The following CELF2 variants were observed in gnomAD, a reference collection of about 807,000 sequenced individuals.
CELF2 encodes the protein CUGBP Elav-like family member 2, also known as CUG triplet repeat RNA-binding protein 2.
Under a neutral mutation model 62.6 loss-of-function variants are expected in CELF2, and 8 were observed. The ratio of observed to expected loss-of-function variants is 0.13; its 90% CI spans 0.07 to 0.23. CELF2 has a LOEUF of 0.23. CELF2 is among the 10% of genes least tolerant of loss of function. The probability of loss-of-function intolerance (pLI) is 1.00; values close to 1 mark genes in which losing one functional copy is unlikely to be tolerated. For missense variants in CELF2, 333 were observed against 671.0 expected (o/e 0.50, Z 5.56); for synonymous variants, 258 against 250.0 (o/e 1.03, Z -0.30).
At chr10:10,594,272 G>C in the CELF2 span, among the ~76,000 whole-genome samples, 46 of 152,240 alleles carry the variant, frequency 3.0e-4, no homozygotes, top group African/African-American at 1.0e-3. Context: ...GCTTTCAACT[G>C]GTACAGTTAA....
At chr10:10,733,614 G>GC in the CELF2 span, among the ~76,000 whole-genome samples, 2 of 151,962 alleles carry the variant, frequency 1.3e-5, no homozygotes, top group South Asian at 2.1e-4. Flanking sequence ...GCATGGCTTG[G>GC]GGGGGCCTCA....
At chr10:11,172,136 T>A (rs766955025) in intron 2 of CELF2, among the ~76,000 whole-genome samples, 9 of 152,244 alleles carry the variant, frequency 5.9e-5, no homozygotes, top group South Asian at 2.1e-4. Flanking sequence ...AAAGCAGGGT[T>A]GCTGCCCTAG....
At chr10:10,623,689 G>A in the CELF2 span, among the ~76,000 whole-genome samples, 4 of 152,200 alleles carry the variant, frequency 2.6e-5, no homozygotes, top group Non-Finnish European at 5.9e-5. Flanking sequence ...GGAGGGGGAA[G>A]ACATACTGAA....
chr10:10,586,398 C>G, the CELF2 span, among the ~76,000 whole-genome samples: 2 of 152,144 alleles, frequency 1.3e-5, no homozygotes, highest in African/African-American at 4.8e-5. Context: ...TGGGTGAAAT[C>G]AAGATGTTTG....
At chr10:11,283,890 T>C in intron 8 of CELF2, among the ~76,000 whole-genome samples, 1 of 96,312 alleles carries the variant, frequency 1.0e-5, no homozygotes, top group Non-Finnish European at 2.1e-5. Flanking sequence ...GAGGGGTGGG[T>C]GGATGATGGA....
chr10:11,197,683 C>T (rs1213346546), intron 2 of CELF2, among the ~76,000 whole-genome samples: 1 of 152,232 alleles, frequency 6.6e-6, no homozygotes, highest in Non-Finnish European at 1.5e-5. Context: ...CTTACACGGT[C>T]GGTGGCAGAG....
At chr10:10,629,908 C>T in the CELF2 span, among the ~76,000 whole-genome samples, 2 of 125,368 alleles carry the variant, frequency 1.6e-5, no homozygotes, top group South Asian at 5.9e-4. Context: ...TTTTGTGAAG[C>T]TATTAAACAA....
the CELF2 span, among the ~76,000 whole-genome samples, chr10:10,640,604 G>A: frequency 1.3e-5 from 2 of 152,246 alleles, no homozygotes; most frequent in Admixed American, 1.3e-4. Flanking sequence ...GTTTCTTGAG[G>A]ACAGAAATCA....
the CELF2 span, among the ~76,000 whole-genome samples, chr10:10,697,458 G>A: frequency 6.6e-6 from 1 of 152,186 alleles, no homozygotes; most frequent in Non-Finnish European, 1.5e-5. Context: ...GTGGGCATCA[G>A]TGAGGTTGAT....
chr10:10,528,366 T>C, the CELF2 span, among the ~76,000 whole-genome samples: 1 of 152,200 alleles, frequency 6.6e-6, no homozygotes, highest in South Asian at 2.1e-4. Context: ...TTCTTCACCA[T>C]GACCCTGTAG....
the CELF2 span, among the ~76,000 whole-genome samples, chr10:10,669,741 A>G: frequency 6.6e-6 from 1 of 152,136 alleles, no homozygotes; most frequent in Non-Finnish European, 1.5e-5. Context: ...CTCCCTCTTC[A>G]TGATATCTTC....
chr10:10,558,846 A>G, the CELF2 span, among the ~76,000 whole-genome samples: 2 of 152,148 alleles, frequency 1.3e-5, no homozygotes, highest in African/African-American at 4.8e-5. Flanking sequence ...GTATTCTCTG[A>G]TGGTAGTTTA....
chr10:10,819,678 A>C (rs774540888), intron 1 of CELF2, among the ~76,000 whole-genome samples: 1 of 151,894 alleles, frequency 6.6e-6, no homozygotes, highest in Non-Finnish European at 1.5e-5. Context: ...TTTATCTTTG[A>C]CCTTCTTTTC....
chr10:10,518,658 A>G, the CELF2 span, among the ~76,000 whole-genome samples: 1 of 152,190 alleles, frequency 6.6e-6, no homozygotes, highest in African/African-American at 2.4e-5. Flanking sequence ...TTCTCAGCTA[A>G]TAGTGGCACC....
At chr10:11,279,190 T>A (rs1328449087) in intron 8 of CELF2, among the ~76,000 whole-genome samples, 1 of 152,230 alleles carries the variant, frequency 6.6e-6, no homozygotes, top group Non-Finnish European at 1.5e-5. Flanking sequence ...TGTCTTTTGA[T>A]GAACGGGAGG....
chr10:10,798,871 C>T (rs2054342587), intron 1 of CELF2: 3 of 398,992 alleles, frequency 7.5e-6, no homozygotes, highest in Non-Finnish European at 1.3e-5. Flanking sequence ...AGCCAAGGCC[C>T]TGCTCCCGCC....
the CELF2 span, among the ~76,000 whole-genome samples, chr10:10,621,704 C>A: frequency 2.0e-5 from 3 of 152,184 alleles, no homozygotes; most frequent in Non-Finnish European, 4.4e-5. Flanking sequence ...CAAGAAGCAA[C>A]TCTGCCAATA....
chr10:11,175,259 C>G (rs914438995), intron 2 of CELF2, among the ~76,000 whole-genome samples: 15 of 151,924 alleles, frequency 9.9e-5, no homozygotes, highest in Non-Finnish European at 1.9e-4. Flanking sequence ...CGCAAAGGTC[C>G]GGGAAGGTGA....
upstream of CELF2, among the ~76,000 whole-genome samples, chr10:11,016,462 T>C (rs2057275262): frequency 1.3e-5 from 2 of 152,370 alleles, no homozygotes; most frequent in South Asian, 4.1e-4. This position sits in a 1 kb window ranked among gnomAD's most constrained non-coding sequence, Gnocchi z 5.2. Context: ...ATGTGTGGAC[T>C]TAATTGAATA....
Sources: gnomAD v4.1 joint callset for allele counts (sites outside exome capture counted in the v4.1 genomes callset) on GRCh38, gnomAD v4.1.1 for gene constraint, Gnocchi (gnomAD v3.1) non-coding constraint, MANE v1.5 for transcripts, NCBI Gene and HGNC (gene_info 2026-07-23, HGNC 2026-07-21) for gene names.